The following TSGA10 variants were observed in gnomAD, a reference collection of about 807,000 sequenced individuals.
The protein encoded by TSGA10 is testis specific 10.
A neutral mutation model predicts 96.6 loss-of-function variants in TSGA10; 43 were observed. That is an observed-to-expected ratio of 0.44 (90% confidence interval 0.35 to 0.57). The LOEUF is 0.57. Among genes scored for constraint, TSGA10 ranks in the 20% least tolerant of loss-of-function variants. The pLI is 0.01. For missense variants in TSGA10, 703 were observed against 834.4 expected, an observed-to-expected ratio of 0.84 and a Z score of 1.94; for synonymous variants, 229 against 269.9, an observed-to-expected ratio of 0.85 and a Z score of 1.48.
intron 20 of TSGA10, among the ~76,000 whole-genome samples, chr2:98,998,522 G>A (rs1358287672): frequency 6.6e-6 from 1 of 152,106 alleles, no homozygotes; most frequent in Admixed American, 6.5e-5. Flanking sequence ...ATCTCAAAAC[G>A]ACAGAATTAT....
At position 99,150,673 on chromosome 2, in the gene TSGA10, C is replaced by T. The variant is rs746839445; in HGVS notation, c.-621+4020G>A. 8 of 1,613,996 alleles carry T rather than the reference C, an allele frequency of 5.0e-6. No individual in the cohort carries two copies. In the East Asian group the frequency reaches 1.8e-4, roughly 36 times the overall value. ...AAAAAGCAGGTTGGAACCAGCGACT[C>T]AGTTATTTCAAAACACCAAGAAAAT... On this transcript the variant is annotated intron_variant, in intron 1 of 20. Coordinates refer to ENST00000393483, the MANE Select transcript of TSGA10 (RefSeq NM_025244.4).
chr2:99,031,737 G>A (rs188004747), intron 17 of TSGA10, among the ~76,000 whole-genome samples: 5 of 152,256 alleles, frequency 3.3e-5, no homozygotes. Context: ...ATTTACAACT[G>A]CTCCCCATTA....
intron 15 of TSGA10, among the ~76,000 whole-genome samples, chr2:99,067,801 T>G (rs2085440154): frequency 6.6e-6 from 1 of 151,694 alleles, no homozygotes; most frequent in South Asian, 2.1e-4. Flanking sequence ...GAGCCACGAT[T>G]GCACCACTGC....
chr2:99,114,631 CA>C (rs1333442988), intron 4 of TSGA10, among the ~76,000 whole-genome samples: 1 of 152,128 alleles, frequency 6.6e-6, no homozygotes, highest in East Asian at 1.9e-4. Context: ...CCAAACCAGG[CA>C]AAATTCCACC....
chr2:99,075,878 G>A (rs1321277052), intron 12 of TSGA10, among the ~76,000 whole-genome samples: 4 of 152,104 alleles, frequency 2.6e-5, no homozygotes, highest in Non-Finnish European at 5.9e-5. Flanking sequence ...GTTGTGAAAG[G>A]AAATCATGCT....
intron 10 of TSGA10, among the ~76,000 whole-genome samples, chr2:99,100,855 T>C (rs529852389): frequency 1.4e-5 from 2 of 140,946 alleles, no homozygotes; most frequent in African/African-American, 2.6e-5. Context: ...CCTGGTAAAT[T>C]ACACATATAA....
intron 7 of TSGA10, among the ~76,000 whole-genome samples, chr2:99,106,747 CCTT>C (rs1322402010): frequency 6.6e-6 from 1 of 151,588 alleles, no homozygotes; most frequent in Non-Finnish European, 1.5e-5. Flanking sequence ...CTCACAACAT[CCTT>C]CTTCTTGAGA....
chr2:99,045,000 G>A (rs576732481), intron 16 of TSGA10, among the ~76,000 whole-genome samples: 33 of 152,000 alleles, frequency 2.2e-4, no homozygotes, highest in Non-Finnish European at 4.1e-4. Flanking sequence ...AAGACAGAAC[G>A]TAACAGAATC....
At chr2:99,144,328 C>CGGCCTGT in intron 1 of TSGA10, among the ~76,000 whole-genome samples, 1 of 151,812 alleles carries the variant, frequency 6.6e-6, no homozygotes, top group Non-Finnish European at 1.5e-5. Flanking sequence ...GCCTGTGTTC[C>CGGCCTGT]GTTTTTTAAA....
chr2:99,007,545 T>C (rs1007123854), intron 20 of TSGA10, among the ~76,000 whole-genome samples: 2 of 152,106 alleles, frequency 1.3e-5, no homozygotes, highest in Non-Finnish European at 2.9e-5. Flanking sequence ...CCACATTCCA[T>C]GATGAAGAAT....
At chr2:99,036,596 G>A (rs542750139) in intron 16 of TSGA10, among the ~76,000 whole-genome samples, 6 of 152,148 alleles carry the variant, frequency 3.9e-5, no homozygotes, top group African/African-American at 1.4e-4. Context: ...CAGAAGAGCA[G>A]CTGAAGACTA....
intron 16 of TSGA10, among the ~76,000 whole-genome samples, chr2:99,041,416 T>TA (rs1317239354): frequency 6.6e-6 from 1 of 152,192 alleles, no homozygotes; most frequent in African/African-American, 2.4e-5. Context: ...AGGCATCACT[T>TA]ACCCAACTTC....
Position 99,055,480 on chromosome 2 carries a change from A to C in TSGA10, c.1404+9459T>G, listed in dbSNP as rs141485974. Among the ~76,000 whole-genome samples, 29 of 148,424 alleles carry C rather than the reference A, an allele frequency of 2.0e-4. No homozygotes were observed. In the East Asian group the frequency reaches 3.2e-3, roughly 16 times the overall value. ...GTAGATCTTAAATGTTCTCACCACA[A>C]AAAAAAAAATGGCAAGCATATGAGG... is the stretch of plus-strand genomic sequence containing the variant. On this transcript the variant is annotated intron_variant, in intron 16 of 20. Coordinates refer to ENST00000393483, the MANE Select transcript of TSGA10 (RefSeq NM_025244.4).
chr2:99,079,650 G>C (rs1400568103), intron 11 of TSGA10, among the ~76,000 whole-genome samples: 1 of 152,118 alleles, frequency 6.6e-6, no homozygotes, highest in African/African-American at 2.4e-5. Flanking sequence ...GAAACTGTTA[G>C]AGACACAAAA....
chr2:99,144,666 A>AAAAAAAAAAAAAAAC, intron 1 of TSGA10, among the ~76,000 whole-genome samples: 1 of 151,488 alleles, frequency 6.6e-6, no homozygotes. Flanking sequence ...AAAAAAAAAA[A>AAAAAAAAAAAAAAAC]AAAAAGATGC....
At chr2:99,102,746 T>C in intron 10 of TSGA10, 21 of 1,605,008 alleles carry the variant, frequency 1.3e-5, no homozygotes, top group Non-Finnish European at 1.7e-5. Context: ...ATACCACACA[T>C]GGTTAATTGG....
At chr2:99,000,109 T>C (rs1404398471) in intron 20 of TSGA10, among the ~76,000 whole-genome samples, 1 of 152,132 alleles carries the variant, frequency 6.6e-6, no homozygotes, top group Non-Finnish European at 1.5e-5. Context: ...TGGTGGCTCA[T>C]GCCTGTAATC....
At chr2:99,038,514 T>C (rs1290978848) in intron 16 of TSGA10, among the ~76,000 whole-genome samples, 1 of 152,086 alleles carries the variant, frequency 6.6e-6, no homozygotes, top group Non-Finnish European at 1.5e-5. Flanking sequence ...TATTCTTATA[T>C]CAGACAAAGC....
chr2:99,148,799 C>T (rs1382605137), intron 1 of TSGA10, among the ~76,000 whole-genome samples: 4 of 151,934 alleles, frequency 2.6e-5, no homozygotes, highest in Non-Finnish European at 2.9e-5. Flanking sequence ...GGGGAAACCC[C>T]GTCTCTACTA....
Sources: gnomAD v4.1 joint callset for allele counts (sites outside exome capture counted in the v4.1 genomes callset) on GRCh38, gnomAD v4.1.1 for gene constraint, MANE v1.5 for transcripts, NCBI Gene and HGNC (gene_info 2026-07-23, HGNC 2026-07-21) for gene names.